The following NMNAT2 variants were observed in gnomAD, a reference collection of about 807,000 sequenced individuals.
NMNAT2 encodes the protein nicotinamide/nicotinic acid mononucleotide adenylyltransferase 2.
A neutral mutation model predicts 41.6 loss-of-function variants in NMNAT2; 11 were observed. The observed-to-expected ratio is 0.26, with a 90% CI of 0.17 to 0.44. NMNAT2 has a LOEUF of 0.44. Ranked by LOEUF, NMNAT2 falls within the 20% of genes least tolerant of loss-of-function variation. The pLI is 1.00. For missense variants in NMNAT2, 288 were observed against 407.7 expected, an observed-to-expected ratio of 0.71 and a Z score of 2.53; for synonymous variants, 148 against 151.2, an observed-to-expected ratio of 0.98 and a Z score of 0.16.
At chr1:183,304,977 T>G (rs1179200838) in intron 1 of NMNAT2, 1 of 856,834 alleles carries the variant, frequency 1.2e-6, no homozygotes, top group African/African-American at 1.7e-5. Flanking sequence ...CTCCCGCTTG[T>G]AGGAGCCACT....
At chr1:183,330,845 A>G (rs572061055) in intron 1 of NMNAT2, among the ~76,000 whole-genome samples, 28 of 152,314 alleles carry the variant, frequency 1.8e-4, no homozygotes, top group African/African-American at 6.7e-4. Context: ...TCAGATATCT[A>G]GAGTAAAATG....
chr1:183,333,662 T>C (rs953951013), intron 1 of NMNAT2, among the ~76,000 whole-genome samples: 1 of 152,170 alleles, frequency 6.6e-6, no homozygotes, highest in African/African-American at 2.4e-5. Flanking sequence ...TGTAAGATAA[T>C]ACATTTGTAT....
At chr1:183,256,902 C>A (rs766201372) in intron 10 of NMNAT2, among the ~76,000 whole-genome samples, 3 of 152,014 alleles carry the variant, frequency 2.0e-5, no homozygotes, top group Non-Finnish European at 4.4e-5. Context: ...CAGTCACGTG[C>A]CACCATGCCT....
In NMNAT2 at chr1:183,373,365, C is replaced by G. The variant is rs992729733; in HGVS notation, c.85+44818G>C. ...CTTTACATGGGACTTCATACACCAC[C>G]AGATCCTTCTCCCTTCTCCTTTCCA... On this transcript the variant is annotated intron_variant, in intron 1 of 10. Coordinates refer to ENST00000287713, the MANE Select transcript of NMNAT2 (RefSeq NM_015039.4). Among the ~76,000 whole-genome samples, 165 of 152,298 alleles carry G rather than the reference C, an allele frequency of 1.1e-3. 2 individuals carry two copies. Among genetic ancestry groups the G allele is most frequent in the African/African-American group, 3.7e-3 (154 of 41,560 alleles).
At chr1:183,264,021 AAGG>A (rs1660737586) in intron 8 of NMNAT2, among the ~76,000 whole-genome samples, 1 of 152,146 alleles carries the variant, frequency 6.6e-6, no homozygotes, top group Non-Finnish European at 1.5e-5. Context: ...AGAGAAAAGA[AAGG>A]AGGACAGGAG....
At chr1:183,343,025 A>C (rs1352817343) in intron 1 of NMNAT2, among the ~76,000 whole-genome samples, 1 of 152,142 alleles carries the variant, frequency 6.6e-6, no homozygotes, top group Admixed American at 6.5e-5. Context: ...AGTGTAAGCC[A>C]TTACACCATC....
At chr1:183,254,383 A>G (rs1660467980) in intron 10 of NMNAT2, among the ~76,000 whole-genome samples, 1 of 152,104 alleles carries the variant, frequency 6.6e-6, no homozygotes, top group African/African-American at 2.4e-5. Context: ...TTTTTATGTC[A>G]TCTCTGGAGA....
At chr1:183,400,723 C>T (rs1389609239) in intron 1 of NMNAT2, among the ~76,000 whole-genome samples, 1 of 152,096 alleles carries the variant, frequency 6.6e-6, no homozygotes, top group Non-Finnish European at 1.5e-5. Context: ...GAGATATAGA[C>T]CAATGGAACA....
chr1:183,292,610 CA>C, intron 3 of NMNAT2, among the ~76,000 whole-genome samples, 179 bp downstream of exon 3: 1 of 152,288 alleles, frequency 6.6e-6, no homozygotes, highest in Non-Finnish European at 1.5e-5. Flanking sequence ...CAGTTTGGTT[CA>C]AAAATAAAGT....
At chr1:183,413,875 G>C (rs538906637) in intron 1 of NMNAT2, among the ~76,000 whole-genome samples, 1 of 152,208 alleles carries the variant, frequency 6.6e-6, no homozygotes, top group African/African-American at 2.4e-5. Context: ...CCAAAGTGCT[G>C]GGATTACAGG....
intron 1 of NMNAT2, among the ~76,000 whole-genome samples, chr1:183,320,091 T>C (rs1417605181): frequency 6.6e-6 from 1 of 152,122 alleles, no homozygotes; most frequent in African/African-American, 2.4e-5. Flanking sequence ...TCTGAGTTCC[T>C]GATGAAGGAG....
At chr1:183,283,382 T>G (rs1443385087) in intron 7 of NMNAT2, 2 of 154,670 alleles carry the variant, frequency 1.3e-5, no homozygotes, top group Non-Finnish European at 2.9e-5. Context: ...TCTGAAACCC[T>G]GGGAAGATTT....
At chr1:183,265,976 T>C (rs1307567844) in intron 8 of NMNAT2, among the ~76,000 whole-genome samples, 2 of 152,198 alleles carry the variant, frequency 1.3e-5, no homozygotes, top group Non-Finnish European at 2.9e-5. Context: ...GATTTGAAGA[T>C]GCTCCACTGT....
At chr1:183,275,277 G>A (rs1370210129) in intron 8 of NMNAT2, among the ~76,000 whole-genome samples, 1 of 151,984 alleles carries the variant, frequency 6.6e-6, no homozygotes, top group Non-Finnish European at 1.5e-5. Flanking sequence ...TGATATTTCC[G>A]GCACACCTCT....
chr1:183,345,134 A>T (rs149982881), intron 1 of NMNAT2, among the ~76,000 whole-genome samples: 1 of 148,912 alleles, frequency 6.7e-6, no homozygotes, highest in Non-Finnish European at 1.5e-5. Flanking sequence ...CCCCCACCCC[A>T]CCTTGTCTCC....
chr1:183,402,627 A>C lies in NMNAT2; in HGVS notation c.85+15556T>G, dbSNP rs75956178. Among the ~76,000 whole-genome samples the C allele has an allele frequency of 5.1e-3, 783 of 152,300 alleles. 6 individuals are homozygous for C. Among genetic ancestry groups the C allele is most frequent in the East Asian group, 0.021 (107 of 5,190 alleles). On this transcript the variant is annotated intron_variant, in intron 1 of 10. Transcript: ENST00000287713. ...ACATGCTCAATAAATATTAGTTCAC[A>C]TATTAGTTTATAGTGATTATTTATT...
intron 8 of NMNAT2, among the ~76,000 whole-genome samples, chr1:183,264,146 A>G (rs559376903): frequency 9.2e-5 from 14 of 152,264 alleles, no homozygotes; most frequent in African/African-American, 3.4e-4. Flanking sequence ...TCTGCCTTCA[A>G]ATTGATTCTG....
chr1:183,266,474 T>C (rs1660818502), intron 8 of NMNAT2: 1 of 152,290 alleles, frequency 6.6e-6, no homozygotes, highest in Non-Finnish European at 1.5e-5. Context: ...TTTCACCCTT[T>C]TGGTTCTCTA....
chr1:183,298,673 A>G (rs1476240294), intron 1 of NMNAT2, among the ~76,000 whole-genome samples: 1 of 152,196 alleles, frequency 6.6e-6, no homozygotes, highest in Non-Finnish European at 1.5e-5. Flanking sequence ...ATTTGAATTC[A>G]GCGCCACAAC....
Sources: gnomAD v4.1 joint callset for allele counts (sites outside exome capture counted in the v4.1 genomes callset) on GRCh38, gnomAD v4.1.1 for gene constraint, MANE v1.5 for transcripts, NCBI Gene and HGNC (gene_info 2026-07-23, HGNC 2026-07-21) for gene names.